The following PCDH11X variants were observed in gnomAD, a reference collection of about 807,000 sequenced individuals.
The protein encoded by PCDH11X is protocadherin 11 X-linked.
In PCDH11X, 18 loss-of-function variants were observed where a neutral mutation model predicts 53.3. That is an observed-to-expected ratio of 0.34 (90% CI 0.23 to 0.50). PCDH11X has a LOEUF of 0.50. PCDH11X is among the 20% of genes least tolerant of loss of function. PCDH11X has a pLI of 0.98. For missense variants in PCDH11X, 570 were observed against 1,032.4 expected, an observed-to-expected ratio of 0.55 and a Z score of 6.14; for synonymous variants, 279 against 393.3, an observed-to-expected ratio of 0.71 and a Z score of 3.44.
At chrX:91,813,183 T>C (rs781384080) in intron 4 of PCDH11X, among the ~76,000 whole-genome samples, 2 of 111,307 alleles carry the variant, frequency 1.8e-5, no homozygotes, top group South Asian at 7.5e-4. Context: ...GGAAGAAAAA[T>C]TGACGAGTAA....
intron 8 of PCDH11X, among the ~76,000 whole-genome samples, chrX:92,366,205 T>A (rs2070467730): frequency 8.9e-6 from 1 of 111,809 alleles, no homozygotes; most frequent in Non-Finnish European, 1.9e-5. Context: ...TCTTCCTGGT[T>A]TAGTCTTGGG....
intron 9 of PCDH11X, among the ~76,000 whole-genome samples, chrX:92,418,654 C>T (rs1375438464): frequency 1.8e-5 from 2 of 108,865 alleles, no homozygotes; most frequent in East Asian, 2.9e-4. Flanking sequence ...TGTAGTGGTA[C>T]GATCATAGTT....
chrX:91,876,211 G>A (rs1911604165), intron 5 of PCDH11X, among the ~76,000 whole-genome samples: 1 of 110,716 alleles, frequency 9.0e-6, no homozygotes, highest in South Asian at 3.8e-4. Context: ...GGGGACTTCG[G>A]GGAAAGAGAA....
At chrX:92,117,273 C>A (rs1158144341) in intron 6 of PCDH11X, among the ~76,000 whole-genome samples, 4 of 109,285 alleles carry the variant, frequency 3.7e-5, no homozygotes, top group African/African-American at 1.3e-4. Flanking sequence ...CCCGTCTCTA[C>A]CAAAATACAA....
chrX:92,539,309 C>T lies in PCDH11X; in HGVS notation c.3367+70987C>T, dbSNP rs2074717659. Among the ~76,000 whole-genome samples the T allele has an allele frequency of 2.7e-5, 3 of 110,550 alleles. No homozygotes were observed. The South Asian group carries it at 1.2e-3, about 43-fold the overall frequency. On this transcript the variant is annotated intron_variant, in intron 10 of 10. Coordinates refer to ENST00000682573, the MANE Select transcript of PCDH11X (RefSeq NM_032968.5). ...TCTTTATTCTTTTTAATTTTGTTTC[C>T]TTTGTATTTTCCACTAGCCTGTCTT...
At chrX:92,499,841 G>T (rs1400352985) in intron 10 of PCDH11X, among the ~76,000 whole-genome samples, 29 of 105,750 alleles carry the variant, frequency 2.7e-4, no homozygotes, top group African/African-American at 9.6e-4. Flanking sequence ...CATAAAAAAA[G>T]AAAGAATGAA....
intron 9 of PCDH11X, among the ~76,000 whole-genome samples, chrX:92,412,940 A>C (rs957462816): frequency 4.7e-5 from 5 of 107,395 alleles, no homozygotes; most frequent in African/African-American, 1.7e-4. Context: ...ATTTCTCCTA[A>C]GAAATTGCTT....
At chrX:92,100,319 G>C (rs1388147602) in intron 6 of PCDH11X, among the ~76,000 whole-genome samples, 1 of 111,028 alleles carries the variant, frequency 9.0e-6, no homozygotes, top group African/African-American at 3.3e-5. Flanking sequence ...GGGTGCAGGC[G>C]GGCTCAGTCC....
intron 6 of PCDH11X, among the ~76,000 whole-genome samples, chrX:92,120,035 T>C (rs1445123217): frequency 1.8e-5 from 2 of 110,398 alleles, no homozygotes; most frequent in African/African-American, 6.6e-5. Context: ...GGGACAGGAG[T>C]GATATGCCAT....
intron 8 of PCDH11X, among the ~76,000 whole-genome samples, chrX:92,346,639 C>T (rs919011570): frequency 5.4e-5 from 6 of 112,069 alleles, no homozygotes; most frequent in African/African-American, 1.9e-4. Flanking sequence ...AATAAATGCC[C>T]ATGCATCTTG....
rs34306564 is a variant in PCDH11X, at chrX:92,098,636, CTTT to C, written c.3034-102715_3034-102713del. On this transcript the variant is annotated intron_variant, in intron 6 of 10. Transcript: ENST00000682573. ...CTTGTCCAGTGAAGCTCCAAATGCT[CTTT>C]TTTTTTTTTTTTTTTTTTTTTTTGA... 7.6e-3 allele frequency among the ~76,000 whole-genome samples: 332 copies of C among 43,875 alleles called. 1 individual carries two copies. Among genetic ancestry groups the C allele is most frequent in the Admixed American group, 9.0e-3 (24 of 2,681 alleles). The allele number at this position is 43,875 out of a possible 115,157, so 38.1% of individuals were successfully genotyped here. A position where few individuals can be genotyped will look rare whatever the true frequency, so the allele number is the denominator to read the frequency against.
At chrX:92,517,374 C>T (rs770583720) in intron 10 of PCDH11X, among the ~76,000 whole-genome samples, 45 of 112,032 alleles carry the variant, frequency 4.0e-4, no homozygotes, top group Admixed American at 3.8e-3. Context: ...AGTGACATAG[C>T]TACATCACAT....
chrX:91,921,833 G>T (rs751962977), intron 6 of PCDH11X, among the ~76,000 whole-genome samples: 129 of 110,611 alleles, frequency 1.2e-3, no homozygotes, highest in African/African-American at 4.2e-3. Context: ...TAAGGAATGT[G>T]ATTGCTGAGC....
intron 7 of PCDH11X, among the ~76,000 whole-genome samples, chrX:92,226,410 A>G (rs1259611523): frequency 9.0e-6 from 1 of 111,046 alleles, no homozygotes; most frequent in East Asian, 2.9e-4. Flanking sequence ...TGTCTATGCT[A>G]TTTTCCTTCC....
intron 6 of PCDH11X, among the ~76,000 whole-genome samples, chrX:92,063,856 T>A (rs1005134554): frequency 3.6e-5 from 4 of 109,690 alleles, no homozygotes; most frequent in African/African-American, 1.0e-4. Context: ...GTGCTCTAAT[T>A]CTGGGAGGCA....
chrX:92,232,410 A>G (rs1196300260), intron 7 of PCDH11X, among the ~76,000 whole-genome samples: 1 of 111,540 alleles, frequency 9.0e-6, no homozygotes, highest in Non-Finnish European at 1.9e-5. Context: ...TTGATTTCGT[A>G]TTTTCCCAAA....
At chrX:92,576,381 G>T (rs1602369329) in intron 10 of PCDH11X, among the ~76,000 whole-genome samples, 1 of 87,553 alleles carries the variant, frequency 1.1e-5, no homozygotes, top group Non-Finnish European at 2.2e-5. Context: ...TCTTTTCATT[G>T]GAGAGTTTAG....
chrX:91,970,861 C>T (rs7887649), intron 6 of PCDH11X, among the ~76,000 whole-genome samples: 3,203 of 111,687 alleles, frequency 0.029, 109 homozygotes, highest in African/African-American at 0.098. Flanking sequence ...TAACACAATG[C>T]TGGACCTCAT....
intron 7 of PCDH11X, among the ~76,000 whole-genome samples, chrX:92,238,450 C>T (rs1275812296): frequency 1.8e-5 from 2 of 111,013 alleles, no homozygotes; most frequent in African/African-American, 6.5e-5. Flanking sequence ...TAGAAGGTGA[C>T]TAATTTGGGT....
Sources: allele counts gnomAD v4.1 joint callset (sites outside exome capture counted in the v4.1 genomes callset), GRCh38; gene constraint gnomAD v4.1.1; transcripts MANE v1.5; gene names NCBI Gene and HGNC (gene_info 2026-07-23, HGNC 2026-07-21).